Variants in PCNX2 observed in about 807,000 individuals in gnomAD.
PCNX2 encodes the protein pecanex 2.
In PCNX2, 168 loss-of-function variants were observed where a neutral mutation model predicts 223.8. The observed-to-expected ratio is 0.75, with a 90% confidence interval of 0.66 to 0.85. The LOEUF is 0.85. Ranked by LOEUF, PCNX2 falls within the 40% of genes least tolerant of loss-of-function variation. The pLI, the probability that PCNX2 is intolerant of heterozygous loss-of-function variation, is 0.00. For synonymous variants in PCNX2, 1,006 were observed against 1,052.6 expected, an observed-to-expected ratio of 0.96 and a Z score of 0.86; for missense variants, 2,507 against 2,675.5, an observed-to-expected ratio of 0.94 and a Z score of 1.39.
At chr1:233,250,620 C>T in intron 8 of PCNX2, 119 bp downstream of exon 8, 1 of 1,343,042 alleles carries the variant, frequency 7.4e-7, no homozygotes, top group Non-Finnish European at 9.6e-7. Context: ...AACCACATGC[C>T]TTAACAACTA....
At chr1:233,216,290 C>A (rs1483197011) in intron 12 of PCNX2, among the ~76,000 whole-genome samples, 1 of 152,196 alleles carries the variant, frequency 6.6e-6, no homozygotes, top group Non-Finnish European at 1.5e-5. Context: ...CAGAGGAAAG[C>A]ACATGGGTGT....
chr1:233,029,855 T>TG (rs1348520793), intron 25 of PCNX2, among the ~76,000 whole-genome samples: 1 of 152,256 alleles, frequency 6.6e-6, no homozygotes, highest in African/African-American at 2.4e-5. Context: ...AAATCTCACA[T>TG]GTGCTTATAA....
At chr1:233,224,473 C>A (rs2102941144) in intron 10 of PCNX2, among the ~76,000 whole-genome samples, 1 of 152,314 alleles carries the variant, frequency 6.6e-6, no homozygotes, top group East Asian at 1.9e-4. Flanking sequence ...GAGTTTATAG[C>A]AATGATTACT....
chr1:233,115,743 AAAAG>A (rs1675370163), intron 21 of PCNX2, among the ~76,000 whole-genome samples: 1 of 152,214 alleles, frequency 6.6e-6, no homozygotes, highest in South Asian at 2.1e-4. Context: ...ATCCATGGCA[AAAAG>A]AAAGAAGATA....
chr1:233,187,417 C>T (rs888662771), intron 15 of PCNX2, among the ~76,000 whole-genome samples: 13 of 152,172 alleles, frequency 8.5e-5, no homozygotes, highest in African/African-American at 3.1e-4. Context: ...ACTAGGGTCA[C>T]AACAGCTCAA....
At chr1:233,116,436 G>T (rs1326882301) in intron 21 of PCNX2, among the ~76,000 whole-genome samples, 2 of 151,860 alleles carry the variant, frequency 1.3e-5, no homozygotes, top group Non-Finnish European at 2.9e-5. Flanking sequence ...AAAATGAAAA[G>T]AAATGAAATC....
Position 233,287,527 on chromosome 1 carries a change from C to T in PCNX2, c.153+7799G>A, listed in dbSNP as rs191895567. Among the ~76,000 whole-genome samples the T allele has an allele frequency of 1.0e-3, 154 of 152,330 alleles. 1 individual carries two copies. The highest frequency in any genetic ancestry group is 1.6e-3 in the Non-Finnish European group (111 of 68,024). ...ATAAAGGGGAGCTCTCCTGCACAAGCTCTCTTGTCTACCACCATGTAAGAC... is the reference window on the plus strand; with the variant it reads ...ATAAAGGGGAGCTCTCCTGCACAAGTTCTCTTGTCTACCACCATGTAAGAC... On this transcript the variant is annotated intron_variant, in intron 1 of 33. Coordinates refer to ENST00000258229, the MANE Select transcript of PCNX2 (RefSeq NM_014801.4).
chr1:233,164,434 CTG>C, intron 17 of PCNX2, among the ~76,000 whole-genome samples: 1 of 152,180 alleles, frequency 6.6e-6, no homozygotes, highest in South Asian at 2.1e-4. Context: ...AATTCCACTA[CTG>C]TGTGTTTTTC....
At chr1:233,260,668 A>C (rs1297829320) in intron 4 of PCNX2, among the ~76,000 whole-genome samples, 1 of 152,170 alleles carries the variant, frequency 6.6e-6, no homozygotes, top group Non-Finnish European at 1.5e-5. Context: ...ATTAAACTTT[A>C]CATTATTTTC....
chr1:233,231,277 T>C (rs902058019), intron 9 of PCNX2, among the ~76,000 whole-genome samples: 1 of 151,978 alleles, frequency 6.6e-6, no homozygotes, highest in Non-Finnish European at 1.5e-5. Context: ...AGATAATACA[T>C]ATAGTCTCAT....
chr1:233,017,061 G>T lies in PCNX2; in HGVS notation c.4699C>A (p.His1567Asn). 6.3e-7 allele frequency: 1 copy of T among 1,596,722 alleles called. No homozygotes were observed. The highest frequency in any genetic ancestry group is 1.1e-5 in the South Asian group (1 of 90,686). Residue 1567 changes from histidine to asparagine, a missense_variant, in exon 27 of 34, where the codon CAT becomes AAT. By Grantham distance (68) the His-to-Asn change is moderately conservative (BLOSUM62 1). Transcript: ENST00000258229. ...ATTGCAAGGTCACGCTCAATGTAATGCCACTTGGCAAAGGGCTGCAGGGAC... is the reference window on the plus strand; with the variant it reads ...ATTGCAAGGTCACGCTCAATGTAATTCCACTTGGCAAAGGGCTGCAGGGAC... ...LKSLQPFAKW[H>N]YIERDLAMFN...
intron 9 of PCNX2, among the ~76,000 whole-genome samples, chr1:233,229,657 G>A (rs1309265136): frequency 5.9e-5 from 9 of 152,064 alleles, no homozygotes; most frequent in South Asian, 2.1e-4. Flanking sequence ...TTCTTAAAGC[G>A]GGGTTTCATA....
At chr1:233,089,456 C>G (rs939053756) in intron 23 of PCNX2, among the ~76,000 whole-genome samples, 3 of 152,172 alleles carry the variant, frequency 2.0e-5, no homozygotes, top group Non-Finnish European at 4.4e-5. Context: ...TTTGGTGAAC[C>G]ATTACTTCTC....
the PCNX2 span, among the ~76,000 whole-genome samples, chr1:233,326,283 C>T: frequency 6.6e-6 from 1 of 152,220 alleles, no homozygotes; most frequent in Non-Finnish European, 1.5e-5. Context: ...CCAAAGTATG[C>T]CCATACTTTA....
At chr1:233,282,316 G>T (rs187946800) in intron 1 of PCNX2, among the ~76,000 whole-genome samples, 67 of 152,162 alleles carry the variant, frequency 4.4e-4, no homozygotes, top group African/African-American at 1.6e-3. Context: ...CCAGTCCCTT[G>T]GCGGTAAATA....
chr1:233,204,971 T>TA (rs1681359969), intron 13 of PCNX2, among the ~76,000 whole-genome samples: 1 of 152,200 alleles, frequency 6.6e-6, no homozygotes, highest in African/African-American at 2.4e-5. Flanking sequence ...TATGCATAGC[T>TA]AGTAGGATAT....
At chr1:233,087,285 G>A in intron 23 of PCNX2, 1 of 863,648 alleles carries the variant, frequency 1.2e-6, no homozygotes, top group Non-Finnish European at 1.4e-6. Context: ...AGGAAGCCAG[G>A]AGAGGGGACT....
intron 1 of PCNX2, chr1:233,288,807 T>A: frequency 1.1e-5 from 1 of 93,532 alleles, no homozygotes; most frequent in South Asian, 1.2e-4. Context: ...AGATGCCCTT[T>A]TTTTTTTTTT....
the PCNX2 span, among the ~76,000 whole-genome samples, chr1:233,312,853 T>C: frequency 6.6e-6 from 1 of 152,076 alleles, no homozygotes; most frequent in South Asian, 2.1e-4. Flanking sequence ...TATATTGTTC[T>C]GGGCCATCAG....
Sources: gnomAD v4.1 joint callset for allele counts (sites outside exome capture counted in the v4.1 genomes callset) on GRCh38, gnomAD v4.1.1 for gene constraint, MANE v1.5 for transcripts, NCBI Gene and HGNC (gene_info 2026-07-23, HGNC 2026-07-21) for gene names.